The following HRH2 variants were observed in gnomAD, a reference collection of about 807,000 sequenced individuals.
The protein encoded by HRH2 is histamine receptor H2.
In HRH2, 4 loss-of-function variants were observed where a neutral mutation model predicts 20.1. The ratio of observed to expected loss-of-function variants is 0.20; its 90% confidence interval spans 0.10 to 0.45. The LOEUF is 0.45. Among genes scored for constraint, HRH2 ranks in the 20% least tolerant of loss-of-function variants. The pLI is 0.99. For synonymous variants in HRH2, 197 were observed against 200.7 expected (o/e 0.98, Z 0.16); for missense variants, 250 against 461.6 (o/e 0.54, Z 4.20).
chr5:175,664,010 T>C (rs1007808712), intron 1 of HRH2, among the ~76,000 whole-genome samples: 2 of 152,256 alleles, frequency 1.3e-5, no homozygotes, highest in Admixed American at 1.3e-4. Flanking sequence ...CCTGGCGCCA[T>C]TGCTGTGAGA....
At chr5:175,684,488 A>G in intron 2 of HRH2, 179 bp downstream of exon 2, 1 of 401,776 alleles carries the variant, frequency 2.5e-6, no homozygotes. Flanking sequence ...GGTAGAACTT[A>G]GCTCCCTTTT....
chr5:175,688,474 G>A (rs1175558809), intron 2 of HRH2, among the ~76,000 whole-genome samples: 1 of 152,186 alleles, frequency 6.6e-6, no homozygotes, highest in African/African-American at 2.4e-5. Context: ...CCACCTGCCA[G>A]CACTGTTTGC....
At chr5:175,692,140 T>C (rs188782504) in intron 2 of HRH2, among the ~76,000 whole-genome samples, 6 of 152,260 alleles carry the variant, frequency 3.9e-5, no homozygotes, top group African/African-American at 1.2e-4. Flanking sequence ...AGATAGTAAA[T>C]ATTTTAGGCT....
chr5:175,705,225 A>G (rs1440264709), intron 2 of HRH2, among the ~76,000 whole-genome samples: 1 of 152,250 alleles, frequency 6.6e-6, no homozygotes, highest in African/African-American at 2.4e-5. Flanking sequence ...AGGCTCAGGA[A>G]TAGCCAAGTC....
intron 1 of HRH2, among the ~76,000 whole-genome samples, chr5:175,670,612 G>A (rs1266788321): frequency 6.6e-6 from 1 of 152,192 alleles, no homozygotes; most frequent in Non-Finnish European, 1.5e-5. Context: ...AGATGATTCA[G>A]AAATCCCACA....
intron 1 of HRH2, among the ~76,000 whole-genome samples, chr5:175,661,301 C>T (rs1201988837): frequency 6.6e-6 from 1 of 151,976 alleles, no homozygotes; most frequent in Non-Finnish European, 1.5e-5. Context: ...TTGCCAGCAC[C>T]CAGGATGGGG....
chr5:175,674,630 C>T (rs1287676581), intron 1 of HRH2, among the ~76,000 whole-genome samples: 2 of 152,192 alleles, frequency 1.3e-5, no homozygotes, highest in African/African-American at 4.8e-5. Context: ...ACATTCAGAT[C>T]CATTCACTTT....
At chr5:175,671,497 T>C (rs1755538820) in intron 1 of HRH2, among the ~76,000 whole-genome samples, 1 of 152,288 alleles carries the variant, frequency 6.6e-6, no homozygotes, top group Admixed American at 6.5e-5. Flanking sequence ...TGGCCACAGC[T>C]GCTACTGATG....
Position 175,682,886 on chromosome 5 carries a change from G to A in HRH2, c.-348G>A, listed in dbSNP as rs1057027370. ...GGATTCTATGCAAAACCTGGGAAGCGGAGACCTACCCCAGCCCCGGGAGGA... is the reference window on the plus strand; with the variant it reads ...GGATTCTATGCAAAACCTGGGAAGCAGAGACCTACCCCAGCCCCGGGAGGA... On this transcript the variant is annotated 5_prime_UTR_variant, in exon 2 of 3. Transcript: ENST00000636584. 4.0e-5 allele frequency: 10 copies of A among 249,852 alleles called. No individual in the cohort carries two copies. Among genetic ancestry groups the A allele is most frequent in the African/African-American group, 9.0e-5 (4 of 44,290 alleles). 15.5% of individuals were successfully genotyped at this position (249,852 alleles called of 1,614,324 possible). A position where few individuals can be genotyped will look rare whatever the true frequency, so the allele number is the denominator to read the frequency against.
At chr5:175,694,054 AATGGGGCTGATC>A (rs1472018766) in intron 2 of HRH2, among the ~76,000 whole-genome samples, 3 of 152,138 alleles carry the variant, frequency 2.0e-5, no homozygotes, top group African/African-American at 7.2e-5. Flanking sequence ...TCATCTGAAA[AATGGGGCTGATC>A]ATTCCAGGGC....
chr5:175,665,696 A>C (rs889321699), intron 1 of HRH2, among the ~76,000 whole-genome samples: 2 of 152,166 alleles, frequency 1.3e-5, no homozygotes, highest in African/African-American at 4.8e-5. Context: ...AAACAGGCAG[A>C]AGGCAGATTC....
At position 175,707,968 on chromosome 5, in the gene HRH2, C is replaced by G. The variant is rs1464246631; in HGVS notation, c.1266C>G (p.Val422=). Residue 422 remains valine (V), a synonymous_variant, in exon 3 of 3, where the codon GTC becomes GTG. Coordinates refer to ENST00000636584, the MANE Select transcript of HRH2 (RefSeq NM_001367711.1). ...TGAGGACGCTGCCCTCTGAGGCTGTCTAGACCTAGCCCCAGGACACTGAAG... is the reference window on the plus strand; with the variant it reads ...TGAGGACGCTGCCCTCTGAGGCTGTGTAGACCTAGCCCCAGGACACTGAAG... ...KAVRTLPSEA[V] 3 of 398,980 alleles carry G rather than the reference C, an allele frequency of 7.5e-6. No homozygotes were observed. The highest frequency in any genetic ancestry group is 6.2e-5 in the African/African-American group (3 of 48,638). The allele number at this position is 398,980 out of a possible 1,614,324, so 24.7% of individuals were successfully genotyped here.
chr5:175,670,980 A>G (rs906622123), intron 1 of HRH2, among the ~76,000 whole-genome samples: 2 of 152,266 alleles, frequency 1.3e-5, no homozygotes, highest in African/African-American at 4.8e-5. Context: ...GGGCCAACAG[A>G]GAAAGAAAGA....
chr5:175,690,962 T>C (rs1474244550), intron 2 of HRH2, among the ~76,000 whole-genome samples: 1 of 152,256 alleles, frequency 6.6e-6, no homozygotes, highest in Non-Finnish European at 1.5e-5. Flanking sequence ...TGCTGTGATT[T>C]TTCCCTCCCG....
In HRH2 at chr5:175,682,885, C is replaced by T. The variant is rs145828996; in HGVS notation, c.-349C>T. On this transcript the variant is annotated 5_prime_UTR_variant, in exon 2 of 3. Coordinates refer to ENST00000636584, the MANE Select transcript of HRH2 (RefSeq NM_001367711.1). ...CGGATTCTATGCAAAACCTGGGAAG[C>T]GGAGACCTACCCCAGCCCCGGGAGG... The T allele has an allele frequency of 2.8e-3, 690 of 249,612 alleles. 5 individuals carry two copies. Among genetic ancestry groups the T allele is most frequent in the African/African-American group, 0.015 (662 of 44,344 alleles). 15.5% of individuals were successfully genotyped at this position (249,612 alleles called of 1,614,324 possible).
intron 1 of HRH2, among the ~76,000 whole-genome samples, chr5:175,663,861 T>C (rs750306937): frequency 2.0e-5 from 3 of 152,238 alleles, no homozygotes; most frequent in Non-Finnish European, 2.9e-5. Context: ...TGTGTGACCC[T>C]GGGCAAGCCA....
At chr5:175,695,650 C>A (rs1243103858) in intron 2 of HRH2, among the ~76,000 whole-genome samples, 1 of 152,214 alleles carries the variant, frequency 6.6e-6, no homozygotes, top group Non-Finnish European at 1.5e-5. Flanking sequence ...GCTGTGGGGG[C>A]CTCCCTGCTG....
Position 175,708,845 on chromosome 5 carries a change from T to A in HRH2, c.*874T>A, listed in dbSNP as rs1338843395. ...TGGTGCTTGTCATCAAGAAGTGGTATGCGGTGGACTTGCTGGAGAGAGTGT... is the reference window on the plus strand; with the variant it reads ...TGGTGCTTGTCATCAAGAAGTGGTAAGCGGTGGACTTGCTGGAGAGAGTGT... On this transcript the variant is annotated 3_prime_UTR_variant, in exon 3 of 3. Coordinates refer to ENST00000636584, the MANE Select transcript of HRH2 (RefSeq NM_001367711.1). 6.6e-6 allele frequency: 1 copy of A among 152,092 alleles called. No homozygotes were observed. Among genetic ancestry groups the A allele is most frequent in the Non-Finnish European group, 1.5e-5 (1 of 68,048 alleles). 9.4% of individuals were successfully genotyped at this position (152,092 alleles called of 1,614,324 possible).
chr5:175,709,526 G>A lies in HRH2; in HGVS notation c.*1555G>A, dbSNP rs544517816. On this transcript the variant is annotated 3_prime_UTR_variant, in exon 3 of 3. Coordinates refer to ENST00000636584, the MANE Select transcript of HRH2 (RefSeq NM_001367711.1). ...TCTGCAGCTGCGTGCCTGCAGCTGC[G>A]TGCCTGCCTTCTCCCTGCACCTGCT... 15 of 145,888 alleles carry A rather than the reference G, an allele frequency of 1.0e-4. No individual in the cohort carries two copies. The South Asian group carries it at 2.3e-3, about 22-fold the overall frequency. 9.0% of individuals were successfully genotyped at this position (145,888 alleles called of 1,614,324 possible).
Sources: gnomAD v4.1 joint callset for allele counts (sites outside exome capture counted in the v4.1 genomes callset) on GRCh38, gnomAD v4.1.1 for gene constraint, MANE v1.5 for transcripts, NCBI Gene and HGNC (gene_info 2026-07-23, HGNC 2026-07-21) for gene names.